CSHL1: variants seen among roughly 807,000 people sequenced by gnomAD.
CSHL1 encodes chorionic somatomammotropin hormone like 1.
Under a neutral mutation model 24.3 loss-of-function variants are expected in CSHL1, and 25 were observed. The ratio of observed to expected loss-of-function variants is 1.03; its 90% CI spans 0.75 to 1.44. The LOEUF is 1.44. Among genes scored for constraint, CSHL1 ranks in the 40% most tolerant of loss-of-function variants. The probability of loss-of-function intolerance (pLI) is 0.00; values close to 1 mark genes in which losing one functional copy is unlikely to be tolerated. For missense variants in CSHL1, 342 were observed against 279.3 expected, an observed-to-expected ratio of 1.22 and a Z score of -1.60; for synonymous variants, 157 against 115.6, an observed-to-expected ratio of 1.36 and a Z score of -2.30.
intron 1 of CSHL1, 97 bp downstream of exon 1, chr17:63,911,090 A>G: frequency 6.2e-7 from 1 of 1,611,658 alleles, no homozygotes; most frequent in Non-Finnish European, 8.5e-7. Context: ...CACATTCAGA[A>G]GCCCCAAACC....
At chr17:63,909,985 TC>T (rs1906748478) in intron 4 of CSHL1, 77 bp from the exon 5 acceptor site, 2 of 1,613,926 alleles carry the variant, frequency 1.2e-6, no homozygotes, top group Non-Finnish European at 1.7e-6. Flanking sequence ...TCCATTTTCC[TC>T]CTTCCCCTTC....
At chr17:63,911,005 TTC>T (rs1205196624) in intron 1 of CSHL1, 81 bp from the exon 2 acceptor site, 3 of 1,610,492 alleles carry the variant, frequency 1.9e-6, no homozygotes, top group African/African-American at 2.7e-5. Context: ...TGTTTTCTTT[TTC>T]TCTCTCTCCA....
chr17:63,910,526 A>T lies in CSHL1; in HGVS notation c.200T>A (p.Ile67Asn), dbSNP rs1351273333. 5 of 1,614,088 alleles carry T rather than the reference A, an allele frequency of 3.1e-6. No individual in the cohort carries two copies. Among genetic ancestry groups the T allele is most frequent in the Non-Finnish European group, 4.2e-6 (5 of 1,180,012 alleles). The change falls in exon 3 of 5, where the codon ATC becomes AAC. Residue 67 changes from isoleucine to asparagine, a missense_variant. Physicochemically the swap from Ile to Asn is moderately radical, Grantham distance 149. Coordinates refer to ENST00000309894, the MANE Select transcript of CSHL1 (RefSeq NM_022579.3). The part of the protein sequence containing the change: ...FISSWGMEAY[I>N]TKEQKYSFLH... The stretch of plus-strand genomic sequence containing the variant: ...GAATGAATACTTCTGTTCCTTTGTG[A>T]TATAGGCTTCTTCCTAGGGGAAGGA...
rs1906791017 is a variant in CSHL1 at position 63,910,202 on chromosome 17, A to G, written c.431T>C (p.Leu144Pro). 6.2e-7 allele frequency: 1 copy of G among 1,613,926 alleles called. No individual in the cohort carries two copies. The highest frequency in any genetic ancestry group is 1.7e-5 in the Admixed American group (1 of 59,996). ...YDTSDSDDYHLLKDLEEGIQM... is the reference protein window; with the variant it reads ...YDTSDSDDYHPLKDLEEGIQM... ...GATGCCTTCCTCTAGGTCCTTTAGG[A>G]GGTGATAGTCATCGCTGTCCGAGGT... Residue 144 changes from leucine to proline, a missense_variant, in exon 4 of 5, where the codon CTC becomes CCC. Leu to Pro is a moderately conservative substitution (Grantham distance 98). Coordinates refer to ENST00000309894, the MANE Select transcript of CSHL1 (RefSeq NM_022579.3).
rs754605571 is a variant in CSHL1 at position 63,910,460 on chromosome 17, A to G, written c.266T>C (p.Ile89Thr). ...TTCCTCCATGTTGGAGGATGTCGGAATAGAGTCTGAGAAGCAGAAGGAGGT... is the reference window on the plus strand; with the variant it reads ...TTCCTCCATGTTGGAGGATGTCGGAGTAGAGTCTGAGAAGCAGAAGGAGGT... Reference protein sequence around the residue: ...SQTSFCFSDSIPTSSNMEETQ... With the variant: ...SQTSFCFSDSTPTSSNMEETQ... The change falls in exon 3 of 5, where the codon ATT becomes ACT. Residue 89 changes from isoleucine to threonine, a missense_variant. Coordinates refer to ENST00000309894, the MANE Select transcript of CSHL1 (RefSeq NM_022579.3). 6.2e-7 allele frequency: 1 copy of G among 1,614,130 alleles called. No homozygotes were observed. The highest frequency in any genetic ancestry group is 8.5e-7 in the Non-Finnish European group (1 of 1,180,012).
intron 1 of CSHL1, 43 bp downstream of exon 1, chr17:63,911,144 C>A (rs772785939): frequency 6.2e-6 from 10 of 1,613,072 alleles, no homozygotes; most frequent in Non-Finnish European, 7.6e-6. Context: ...CCGCCTCTCC[C>A]CTCAGGACAC....
In CSHL1 at chr17:63,910,848, G is replaced by A; in HGVS notation, c.87C>T (p.Thr29=). Residue 29 remains threonine (T), a synonymous_variant, in exon 2 of 5, where the codon ACC becomes ACT. Coordinates refer to ENST00000309894, the MANE Select transcript of CSHL1 (RefSeq NM_022579.3). ...CTTTAAAAAGCCTGGATAAGGGAACGGTTTGGACGGCACCAGCCTCTTGAA... is the reference window on the plus strand; with the variant it reads ...CTTTAAAAAGCCTGGATAAGGGAACAGTTTGGACGGCACCAGCCTCTTGAA... ...PWLQEAGAVQ[T]VPLSRLFKEA... 1.9e-6 allele frequency: 3 copies of A among 1,614,190 alleles called. No homozygotes were observed. Among genetic ancestry groups the A allele is most frequent in the Non-Finnish European group, 1.7e-6 (2 of 1,180,038 alleles).
At position 63,909,797 on chromosome 17, in the gene CSHL1, G is replaced by A. The variant is rs141080891; in HGVS notation, c.583C>T (p.His195Tyr). The change falls in exon 5 of 5, where the codon CAC becomes TAC. Residue 195 changes from histidine to tyrosine, a missense_variant. His to Tyr is a moderately conservative substitution (Grantham distance 83, BLOSUM62 2). Transcript: ENST00000309894. ...TTGTCCATGTCCTTCCTGAAGCAGTGGAGCAGCCCGTAGTTCTTGAGCAGT... is the reference window on the plus strand; with the variant it reads ...TTGTCCATGTCCTTCCTGAAGCAGTAGAGCAGCCCGTAGTTCTTGAGCAGT... ...DALLKNYGLL[H>Y]CFRKDMDKVE... The A allele has an allele frequency of 6.8e-4, 1,102 of 1,613,982 alleles. 6 individuals are homozygous for A. Among genetic ancestry groups the A allele is most frequent in the South Asian group, 2.8e-3 (257 of 91,072 alleles).
chr17:63,910,303 G>A lies in CSHL1; in HGVS notation c.330C>T (p.Ser110=), dbSNP rs368186213. Residue 110 remains serine, a synonymous_variant, in exon 4 of 5, where the codon TCC becomes TCT. Transcript: ENST00000309894. ...QKSNLELLHI[S]LLLIESRLEP... Reference sequence around the variant, plus strand: ...CCAGCCGCGACTCGATGAGCAGCAGGGAGATGTGGAGCAGCTCTAAGTTCT... The same window carrying A: ...CCAGCCGCGACTCGATGAGCAGCAGAGAGATGTGGAGCAGCTCTAAGTTCT... 1.2e-6 allele frequency: 2 copies of A among 1,614,172 alleles called. No individual in the cohort carries two copies.
At position 63,909,672 on chromosome 17, in the gene CSHL1, G is replaced by C. The variant is rs1202802450; in HGVS notation, c.*39C>G. The C allele has an allele frequency of 6.2e-7, 1 of 1,613,966 alleles. No individual in the cohort carries two copies. The highest frequency in any genetic ancestry group is 8.5e-7 in the Non-Finnish European group (1 of 1,179,950). ...TGGAGTGGCACCTTCAGGGCCAGGA[G>C]AGGCACTGGGGAGGGGTCACAGGAT... is the stretch of plus-strand genomic sequence containing the variant. On this transcript the variant is annotated 3_prime_UTR_variant, in exon 5 of 5. Coordinates refer to ENST00000309894, the MANE Select transcript of CSHL1 (RefSeq NM_022579.3).
intron 4 of CSHL1, 117 bp downstream of exon 4, chr17:63,910,045 A>C (rs2006122): frequency 9.9e-6 from 16 of 1,613,946 alleles, no homozygotes; most frequent in South Asian, 8.8e-5. Flanking sequence ...ATGAAGAATA[A>C]GGTGAGTTCT....
chr17:63,911,206 G>T lies in CSHL1; in HGVS notation c.-10C>A, dbSNP rs1567797236. On this transcript the variant is annotated 5_prime_UTR_variant, in exon 1 of 5. Transcript: ENST00000309894. The stretch of plus-strand genomic sequence containing the variant: ...GCTTACCTGCAGCCATTGCCGCTAG[G>T]TGAGCTGTCCACAGGACCCTGAGTG... 5 of 1,613,984 alleles carry T rather than the reference G, an allele frequency of 3.1e-6. No homozygotes were observed. The highest frequency in any genetic ancestry group is 4.2e-6 in the Non-Finnish European group (5 of 1,179,870).
In CSHL1 at chr17:63,910,314, G is replaced by A. The variant is rs1906821986; in HGVS notation, c.319C>T (p.Leu107Phe). The A allele has an allele frequency of 1.9e-6, 3 of 1,614,188 alleles. No homozygotes were observed. The highest frequency in any genetic ancestry group is 2.5e-6 in the Non-Finnish European group (3 of 1,180,024). Residue 107 changes from leucine to phenylalanine, a missense_variant, in exon 4 of 5, where the codon CTC becomes TTC. Leu to Phe is a conservative substitution (Grantham distance 22). Coordinates refer to ENST00000309894, the MANE Select transcript of CSHL1 (RefSeq NM_022579.3). ...ETQQKSNLELLHISLLLIESR... is the reference protein window; with the variant it reads ...ETQQKSNLELFHISLLLIESR... ...TCGATGAGCAGCAGGGAGATGTGGAGCAGCTCTAAGTTCTGCAGGGGAAGG... is the reference window on the plus strand; with the variant it reads ...TCGATGAGCAGCAGGGAGATGTGGAACAGCTCTAAGTTCTGCAGGGGAAGG...
At position 63,910,271 on chromosome 17, in the gene CSHL1, A is replaced by T; in HGVS notation, c.362T>A (p.Val121Glu). Residue 121 changes from valine (V) to glutamate (E), a missense_variant, in exon 4 of 5, where the codon GTG becomes GAG. Val to Glu is a moderately radical substitution (Grantham distance 121). Transcript: ENST00000309894. Reference protein sequence around the residue: ...LLLIESRLEPVRFLRSTFTNN... With the variant: ...LLLIESRLEPERFLRSTFTNN... ...GGTGAAGGTACTCCTGAGGAACCGC[A>T]CGGGCTCCAGCCGCGACTCGATGAG... is the stretch of plus-strand genomic sequence containing the variant. The T allele has an allele frequency of 6.2e-7, 1 of 1,614,090 alleles. No individual in the cohort carries two copies. The highest frequency in any genetic ancestry group is 8.5e-7 in the Non-Finnish European group (1 of 1,179,986).
Position 63,910,083 on chromosome 17 carries a change from G to T in CSHL1, c.471+79C>A, listed in dbSNP as rs753376550. 6 of 1,614,068 alleles carry T rather than the reference G, an allele frequency of 3.7e-6. No individual in the cohort carries two copies. In the African/African-American group the frequency reaches 5.3e-5, roughly 14 times the overall value. ...TGGGTCAGCGCCTGACTGCTGAAAA[G>T]AGGGCAGCAGTGTTTCTCTCCCCCA... On this transcript the variant is annotated intron_variant, in intron 4 of 4. Transcript: ENST00000309894.
intron 1 of CSHL1, 95 bp from the exon 2 acceptor site, chr17:63,911,019 C>A (rs1352826735): frequency 4.3e-6 from 7 of 1,610,330 alleles, no homozygotes; most frequent in Non-Finnish European, 5.1e-6. Flanking sequence ...CTCTCTCCAT[C>A]CCTCCAGGGA....
rs748705816 is a variant in CSHL1 at position 63,909,834 on chromosome 17, G to C, written c.546C>G (p.His182Gln). The C allele has an allele frequency of 1.2e-6, 2 of 1,613,998 alleles. No homozygotes were observed. Among genetic ancestry groups the C allele is most frequent in the South Asian group, 2.2e-5 (2 of 91,072 alleles). Residue 182 changes from histidine (H) to glutamine (Q), a missense_variant, in exon 5 of 5, where the codon CAC becomes CAG. Transcript: ENST00000309894. ...QTYSKFDTNS[H>Q]NHDALLKNYG... ...AGTTCTTGAGCAGTGCGTCATGGTT[G>C]TGCGAGTTTGTGTCAAACTTGCTGT...
Position 63,911,213 on chromosome 17 carries a change from G to C in CSHL1, c.-17C>G. ...TGCAGCCATTGCCGCTAGGTGAGCT[G>C]TCCACAGGACCCTGAGTGGTGCGGG... On this transcript the variant is annotated 5_prime_UTR_variant, in exon 1 of 5. Coordinates refer to ENST00000309894, the MANE Select transcript of CSHL1 (RefSeq NM_022579.3). 4 of 1,614,012 alleles carry C rather than the reference G, an allele frequency of 2.5e-6. No homozygotes were observed. Among genetic ancestry groups the C allele is most frequent in the Non-Finnish European group, 3.4e-6 (4 of 1,179,872 alleles).
At position 63,909,899 on chromosome 17, in the gene CSHL1, C is replaced by T; in HGVS notation, c.481G>A (p.Asp161Asn). 1 of 1,614,012 alleles carries T rather than the reference C, an allele frequency of 6.2e-7. No individual in the cohort carries two copies. The highest frequency in any genetic ancestry group is 8.5e-7 in the Non-Finnish European group (1 of 1,179,874). ...GIQMLMGRLE[D>N]GSHLTGQTLK... Reference sequence around the variant, plus strand: ...GTCTGCCCAGTCAGGTGGCTGCCGTCTTCCAGCCTCTGCAAAGTGAAGCAA... The same window carrying T: ...GTCTGCCCAGTCAGGTGGCTGCCGTTTTCCAGCCTCTGCAAAGTGAAGCAA... Residue 161 changes from aspartate to asparagine, a missense_variant, in exon 5 of 5, where the codon GAC becomes AAC. Physicochemically the swap from Asp to Asn is conservative, Grantham distance 23 (BLOSUM62 1). Coordinates refer to ENST00000309894, the MANE Select transcript of CSHL1 (RefSeq NM_022579.3).
Sources: allele counts gnomAD v4.1 joint callset, GRCh38; gene constraint gnomAD v4.1.1; transcripts MANE v1.5; gene names NCBI Gene and HGNC (gene_info 2026-07-23, HGNC 2026-07-21).